The following TTLL5 variants were observed in gnomAD, a reference collection of about 807,000 sequenced individuals.
The protein encoded by TTLL5 is tubulin polyglutamylase TTLL5.
Under a neutral mutation model 168.4 loss-of-function variants are expected in TTLL5, and 132 were observed. The observed-to-expected ratio is 0.78, with a 90% CI of 0.68 to 0.91. TTLL5 has a LOEUF of 0.91. Among genes scored for constraint, TTLL5 ranks in the 40% least tolerant of loss-of-function variants. TTLL5 has a pLI of 0.00. For synonymous variants in TTLL5, 546 were observed against 558.6 expected, an observed-to-expected ratio of 0.98 and a Z score of 0.32; for missense variants, 1,545 against 1,581.5, an observed-to-expected ratio of 0.98 and a Z score of 0.39.
chr14:75,799,110 G>A (rs1185064229), intron 27 of TTLL5, among the ~76,000 whole-genome samples: 1 of 151,978 alleles, frequency 6.6e-6, no homozygotes, highest in Non-Finnish European at 1.5e-5. Flanking sequence ...TCATTTCTTA[G>A]GTCTAGTAGT....
At chr14:75,819,841 CTT>C (rs2140413979) in intron 27 of TTLL5, among the ~76,000 whole-genome samples, 164 bp from the exon 28 acceptor site, 1 of 152,336 alleles carries the variant, frequency 6.6e-6, no homozygotes, top group African/African-American at 2.4e-5. Context: ...CACTTCTGCT[CTT>C]TGTGCACAGG....
chr14:75,799,156 C>T (rs569840534), intron 27 of TTLL5, among the ~76,000 whole-genome samples: 17 of 151,954 alleles, frequency 1.1e-4, no homozygotes, highest in African/African-American at 2.4e-4. Flanking sequence ...CAGTGTTAGG[C>T]GCATATGTAT....
intron 28 of TTLL5, among the ~76,000 whole-genome samples, chr14:75,844,124 G>T (rs977242691): frequency 6.6e-6 from 1 of 151,592 alleles, no homozygotes; most frequent in African/African-American, 2.4e-5. Flanking sequence ...CTCATGATCC[G>T]CCCGCCTCAG....
chr14:75,928,510 T>C (rs2034161562), intron 31 of TTLL5, among the ~76,000 whole-genome samples: 1 of 151,664 alleles, frequency 6.6e-6, no homozygotes, highest in African/African-American at 2.4e-5. Context: ...CTATATGTAC[T>C]CTTTTCAGAG....
chr14:75,888,118 T>A (rs1175741888), intron 30 of TTLL5, among the ~76,000 whole-genome samples: 2 of 152,152 alleles, frequency 1.3e-5, no homozygotes, highest in Non-Finnish European at 2.9e-5. Flanking sequence ...CCACTTAGAC[T>A]CTCTGTCTTC....
intron 27 of TTLL5, among the ~76,000 whole-genome samples, chr14:75,813,518 G>C (rs1258337631): frequency 2.0e-5 from 3 of 151,970 alleles, no homozygotes; most frequent in Non-Finnish European, 4.4e-5. Flanking sequence ...GCCCAGACTG[G>C]TCTCGAACTC....
At chr14:75,833,053 C>T (rs1895668751) in intron 28 of TTLL5, among the ~76,000 whole-genome samples, 1 of 152,176 alleles carries the variant, frequency 6.6e-6, no homozygotes, top group South Asian at 2.1e-4. Flanking sequence ...CGCAGCTCTG[C>T]CCATCAGGAA....
chr14:75,792,168 T>C (rs1254533940), intron 26 of TTLL5, among the ~76,000 whole-genome samples: 2 of 139,488 alleles, frequency 1.4e-5, no homozygotes, highest in African/African-American at 2.7e-5. Context: ...GAAGAAAATT[T>C]AAATCTGAAA....
At chr14:75,770,558 C>T (rs1355719345) in intron 20 of TTLL5, among the ~76,000 whole-genome samples, 1 of 152,134 alleles carries the variant, frequency 6.6e-6, no homozygotes, top group Non-Finnish European at 1.5e-5. Flanking sequence ...ATCAGAAGGC[C>T]GATCAGCTGA....
intron 9 of TTLL5, among the ~76,000 whole-genome samples, chr14:75,708,396 G>A (rs367913024): frequency 2.6e-5 from 4 of 151,388 alleles, no homozygotes; most frequent in African/African-American, 7.3e-5. Context: ...GCGTGATCTC[G>A]GCTCACTGCA....
intron 7 of TTLL5, among the ~76,000 whole-genome samples, chr14:75,704,593 A>G (rs139788301): frequency 6.6e-6 from 1 of 152,218 alleles, no homozygotes; most frequent in Admixed American, 6.6e-5. Context: ...CTACTTCAGC[A>G]TTCTTTGGGA....
chr14:75,730,031 G>T (rs908295449), intron 12 of TTLL5, among the ~76,000 whole-genome samples: 2 of 152,212 alleles, frequency 1.3e-5, no homozygotes, highest in Non-Finnish European at 2.9e-5. Context: ...TGATCAATAT[G>T]TGCATCAATT....
rs1391946587 is a variant in TTLL5 at position 75,954,684 on chromosome 14, C to T, written c.*238C>T. On this transcript the variant is annotated 3_prime_UTR_variant, in exon 32 of 32. Transcript: ENST00000298832. ...GATGGAACTTGGCAGTGGGGACATT[C>T]AGCTGATGCATTATATACCCCGTCA... is the stretch of plus-strand genomic sequence containing the variant. 6.8e-6 allele frequency: 4 copies of T among 584,248 alleles called. No individual in the cohort carries two copies. Among genetic ancestry groups the T allele is most frequent in the Non-Finnish European group, 1.2e-5 (4 of 328,124 alleles). 36.2% of individuals were successfully genotyped at this position (584,248 alleles called of 1,614,324 possible).
chr14:75,695,070 G>C (rs1329518827), intron 6 of TTLL5, among the ~76,000 whole-genome samples: 1 of 152,204 alleles, frequency 6.6e-6, no homozygotes, highest in East Asian at 1.9e-4. Flanking sequence ...AGAGCTGGGT[G>C]GAACAGAGCC....
intron 31 of TTLL5, among the ~76,000 whole-genome samples, chr14:75,949,433 C>CTATATATA (rs560166360): frequency 2.7e-5 from 3 of 112,180 alleles, no homozygotes; most frequent in Admixed American, 2.0e-4. Flanking sequence ...TATATATATT[C>CTATATATA]TATATATATA....
intron 28 of TTLL5, among the ~76,000 whole-genome samples, chr14:75,829,471 A>T (rs905489180): frequency 6.6e-6 from 1 of 152,098 alleles, no homozygotes; most frequent in Non-Finnish European, 1.5e-5. Flanking sequence ...AGAGAAATAC[A>T]TTTACTATTC....
chr14:75,874,707 T>G (rs2031317168), intron 29 of TTLL5, among the ~76,000 whole-genome samples: 1 of 152,138 alleles, frequency 6.6e-6, no homozygotes, highest in African/African-American at 2.4e-5. Flanking sequence ...GGAAATTATT[T>G]TAAGGAAATG....
intron 30 of TTLL5, among the ~76,000 whole-genome samples, chr14:75,888,455 A>G (rs958771537): frequency 2.6e-5 from 4 of 152,196 alleles, no homozygotes. Flanking sequence ...TCACCTGAGT[A>G]TGAAAACGCT....
intron 31 of TTLL5, among the ~76,000 whole-genome samples, chr14:75,948,135 A>G (rs148593278): frequency 2.7e-5 from 4 of 150,230 alleles, no homozygotes; most frequent in Non-Finnish European, 5.9e-5. Context: ...CAATAACAAA[A>G]AGATACTGGA....
Sources: gnomAD v4.1 joint callset for allele counts (sites outside exome capture counted in the v4.1 genomes callset) on GRCh38, gnomAD v4.1.1 for gene constraint, MANE v1.5 for transcripts, NCBI Gene and HGNC (gene_info 2026-07-23, HGNC 2026-07-21) for gene names.